Variants in FYCO1 observed in about 807,000 individuals in gnomAD.
The protein encoded by FYCO1 is FYVE and coiled-coil domain autophagy adaptor 1, also known as FYVE and coiled-coil domain-containing protein 1.
In FYCO1, 122 loss-of-function variants were observed where a neutral mutation model predicts 165.1. That is an observed-to-expected ratio of 0.74 (90% confidence interval 0.64 to 0.86). The LOEUF is 0.86. FYCO1 is among the 40% of genes least tolerant of loss of function. FYCO1 has a pLI of 0.00. For missense variants in FYCO1, 1,702 were observed against 1,810.3 expected, an observed-to-expected ratio of 0.94 and a Z score of 1.09; for synonymous variants, 648 against 742.5, an observed-to-expected ratio of 0.87 and a Z score of 2.07.
chr3:45,985,579 C>G (rs1354297675), intron 1 of FYCO1, among the ~76,000 whole-genome samples: 2 of 152,172 alleles, frequency 1.3e-5, no homozygotes, highest in African/African-American at 4.8e-5. Flanking sequence ...TGGCAGGGTC[C>G]CCTTCGTCGT....
In FYCO1 at chr3:45,968,164, T is replaced by A. The variant is rs777954298; in HGVS notation, c.1170A>T (p.Glu390Asp). 2 of 1,614,058 alleles carry A rather than the reference T, an allele frequency of 1.2e-6. No homozygotes were observed. The highest frequency in any genetic ancestry group is 3.3e-5 in the Admixed American group (2 of 60,026). Residue 390 changes from glutamate to aspartate, a missense_variant, in exon 8 of 18, where the codon GAA becomes GAT. Physicochemically the swap from Glu to Asp is conservative, Grantham distance 45 (BLOSUM62 2). Transcript: ENST00000296137. ...DTASDTKGRQ[E>D]PIPSDAAQEM... ...CCTGGGCCGCATCACTGGGAATAGG[T>A]TCTTGCCGGCCCTTTGTGTCTGATG...
intron 13 of FYCO1, 30 bp downstream of exon 13, chr3:45,958,378 C>T: frequency 6.3e-7 from 1 of 1,596,530 alleles, no homozygotes. Context: ...ACCTAGAGAA[C>T]ATAGTAGGCA....
chr3:45,973,578 T>A (rs60445435), intron 5 of FYCO1, among the ~76,000 whole-genome samples: 13,714 of 152,218 alleles, frequency 0.09, 2,130 homozygotes, highest in African/African-American at 0.32. Flanking sequence ...ACCTATTCCA[T>A]TTTCAGAACT....
intron 14 of FYCO1, among the ~76,000 whole-genome samples, chr3:45,953,543 T>G (rs1465891900): frequency 6.6e-6 from 1 of 152,204 alleles, no homozygotes; most frequent in East Asian, 1.9e-4. Flanking sequence ...TGTGAAACTC[T>G]CCTTGAAAAC....
rs1703023761 is a variant in FYCO1, at chr3:45,919,537, A to G, written c.*2228T>C. On this transcript the variant is annotated 3_prime_UTR_variant, in exon 18 of 18. Coordinates refer to ENST00000296137, the MANE Select transcript of FYCO1 (RefSeq NM_024513.4). ...GAGGAGTGGTTCTGGGTAAGCTGCAACCGGTCCTCTGCTGTGGAGTGACAT... is the reference window on the plus strand; with the variant it reads ...GAGGAGTGGTTCTGGGTAAGCTGCAGCCGGTCCTCTGCTGTGGAGTGACAT... 1 of 152,156 alleles carries G rather than the reference A, an allele frequency of 6.6e-6. No individual in the cohort carries two copies. Among genetic ancestry groups the G allele is most frequent in the Non-Finnish European group, 1.5e-5 (1 of 68,034 alleles). The allele number at this position is 152,156 out of a possible 1,614,324, so 9.4% of individuals were successfully genotyped here. A position where few individuals can be genotyped will look rare whatever the true frequency, so the allele number is the denominator to read the frequency against.
At chr3:45,982,793 G>A (rs978384736) in intron 2 of FYCO1, among the ~76,000 whole-genome samples, 2 of 152,220 alleles carry the variant, frequency 1.3e-5, no homozygotes, top group Non-Finnish European at 2.9e-5. Context: ...GCAAAGATTA[G>A]CAAATGGTGG....
intron 1 of FYCO1, among the ~76,000 whole-genome samples, chr3:45,994,161 C>A (rs1287753717): frequency 6.6e-6 from 1 of 150,962 alleles, no homozygotes; most frequent in Middle Eastern, 3.4e-3. Context: ...CAAAGGTCAT[C>A]GGAACAACAG....
chr3:45,990,811 C>T (rs1219108712), intron 1 of FYCO1, among the ~76,000 whole-genome samples: 4 of 152,162 alleles, frequency 2.6e-5, no homozygotes, highest in Non-Finnish European at 5.9e-5. Flanking sequence ...CTCGCTCTGT[C>T]GCCAGGCTGG....
intron 16 of FYCO1, among the ~76,000 whole-genome samples, chr3:45,928,441 G>T (rs776351867): frequency 2.6e-5 from 4 of 152,116 alleles, no homozygotes; most frequent in Non-Finnish European, 4.4e-5. Context: ...TGGTAACCTG[G>T]TTCATAATTT....
At chr3:45,923,380 G>A (rs549149500) in intron 17 of FYCO1, among the ~76,000 whole-genome samples, 2 of 152,158 alleles carry the variant, frequency 1.3e-5, no homozygotes, top group African/African-American at 4.8e-5. Context: ...TGGCCAGACC[G>A]CCTGGTTCAG....
rs932597940 is a variant in FYCO1, at chr3:45,993,292, T to C, written c.-113+2430A>G. Among the ~76,000 whole-genome samples the C allele has an allele frequency of 1.3e-5, 2 of 152,196 alleles. No homozygotes were observed. The highest frequency in any genetic ancestry group is 4.8e-5 in the African/African-American group (2 of 41,452). ...CATGTGAGAAAAGGGATAAAACTGC[T>C]CTTGCCTAACTGAGCACAGCTTCTG... On this transcript the variant is annotated intron_variant, in intron 1 of 17. Transcript: ENST00000296137. The surrounding 1 kb of genome is among the most constrained non-coding windows in gnomAD (Gnocchi z 4.4).
rs368889037 is a variant in FYCO1 at position 45,967,092 on chromosome 3, T to C, written c.2242A>G (p.Thr748Ala). The C allele has an allele frequency of 6.1e-5, 99 of 1,613,912 alleles. No individual in the cohort carries two copies. Among genetic ancestry groups the C allele is most frequent in the Non-Finnish European group, 8.2e-5 (97 of 1,180,038 alleles). The change falls in exon 8 of 18, where the codon ACA becomes GCA. Residue 748 changes from threonine to alanine, a missense_variant. Thr to Ala is a moderately conservative substitution (Grantham distance 58). Transcript: ENST00000296137. Reference sequence around the variant, plus strand: ...ACTCCCTGTTGGCCTTTCTCTGCTGTGAGGACCTCAATCAGCTGGGTCTGC... The same window carrying C: ...ACTCCCTGTTGGCCTTTCTCTGCTGCGAGGACCTCAATCAGCTGGGTCTGC... The part of the protein sequence containing the change: ...QQQTQLIEVL[T>A]AEKGQQGVGP...
intron 13 of FYCO1, among the ~76,000 whole-genome samples, chr3:45,956,288 A>T (rs1705315953): frequency 6.6e-6 from 1 of 152,094 alleles, no homozygotes; most frequent in African/African-American, 2.4e-5. Context: ...GTGAGCCGAG[A>T]TCGTACCACT....
chr3:45,939,861 T>C (rs1259449406), intron 14 of FYCO1, among the ~76,000 whole-genome samples: 2 of 152,204 alleles, frequency 1.3e-5, no homozygotes, highest in Non-Finnish European at 2.9e-5. Flanking sequence ...TAAATTTAAC[T>C]AAAAATGTGG....
chr3:45,925,335 T>C (rs753744663), intron 16 of FYCO1, among the ~76,000 whole-genome samples: 6 of 152,162 alleles, frequency 3.9e-5, no homozygotes, highest in Non-Finnish European at 8.8e-5. Context: ...AATGGTTATA[T>C]GGACCAGAAG....
chr3:45,966,459 CCTT>C lies in FYCO1; in HGVS notation c.2872_2874del (p.Lys958del), dbSNP rs1332615908. On this transcript the variant is annotated inframe_deletion, in exon 8 of 18. Coordinates refer to ENST00000296137, the MANE Select transcript of FYCO1 (RefSeq NM_024513.4). ...GCCTTCAGCTTCTCCTGCAAGCTCT[CCTT>C]CTCTTGCTGCAGCCCAGCTACTTGG... 1.2e-6 allele frequency: 2 copies of C among 1,611,096 alleles called. No homozygotes were observed. Among genetic ancestry groups the C allele is most frequent in the Admixed American group, 1.7e-5 (1 of 59,938 alleles).
At chr3:45,945,223 A>C (rs920569402) in intron 14 of FYCO1, 4 of 152,222 alleles carry the variant, frequency 2.6e-5, no homozygotes, top group Non-Finnish European at 5.9e-5. Context: ...GTCAGGCAAT[A>C]TTTTGACTTT....
At chr3:45,933,449 C>T (rs1447625468) in intron 15 of FYCO1, among the ~76,000 whole-genome samples, 1 of 152,178 alleles carries the variant, frequency 6.6e-6, no homozygotes, top group African/African-American at 2.4e-5. Flanking sequence ...TCTTATTCTC[C>T]TCAAAGACCT....
chr3:45,942,626 T>G (rs1005946025), intron 14 of FYCO1, among the ~76,000 whole-genome samples: 1 of 152,198 alleles, frequency 6.6e-6, no homozygotes, highest in Non-Finnish European at 1.5e-5. Flanking sequence ...CACTGGGGCA[T>G]GTGACCCAGG....
Sources: gnomAD v4.1 joint callset for allele counts (sites outside exome capture counted in the v4.1 genomes callset) on GRCh38, gnomAD v4.1.1 for gene constraint, Gnocchi (gnomAD v3.1) non-coding constraint, MANE v1.5 for transcripts, NCBI Gene and HGNC (gene_info 2026-07-23, HGNC 2026-07-21) for gene names.